BNC2: variants seen among roughly 807,000 people sequenced by gnomAD.
BNC2 encodes the protein zinc finger protein basonuclin-2.
BNC2 carries 20 observed loss-of-function variants against 76.3 expected under a neutral mutation model. The ratio of observed to expected loss-of-function variants is 0.26; its 90% confidence interval spans 0.18 to 0.38. BNC2 has a LOEUF of 0.38. Ranked by LOEUF, BNC2 falls within the 10% of genes least tolerant of loss-of-function variation. The pLI is 1.00. For synonymous variants in BNC2, 582 were observed against 514.8 expected (o/e 1.13, Z -1.77); for missense variants, 1,382 against 1,399.8 (o/e 0.99, Z 0.20).
intron 4 of BNC2, among the ~76,000 whole-genome samples, chr9:16,576,392 C>T (rs914468170): frequency 6.6e-6 from 1 of 151,984 alleles, no homozygotes; most frequent in African/African-American, 2.4e-5. Context: ...AATTTCTATG[C>T]GGAGTGGGAA....
At position 16,791,322 on chromosome 9, in the gene BNC2, A is replaced by G. The variant is rs1405994827; in HGVS notation, c.4-52837T>C. ...GTGATCCGCCTGCCTCGGCCTCCCA[A>G]AGTGCTAGGATTACAGGCATGAGCC... On this transcript the variant is annotated intron_variant, in intron 1 of 6. Coordinates refer to ENST00000380672, the MANE Select transcript of BNC2 (RefSeq NM_017637.6). Among the ~76,000 whole-genome samples the G allele has an allele frequency of 2.6e-5, 4 of 152,090 alleles. 1 individual carries two copies. Among genetic ancestry groups the G allele is most frequent in the Non-Finnish European group, 5.9e-5 (4 of 68,020 alleles).
intron 1 of BNC2, among the ~76,000 whole-genome samples, chr9:16,814,038 T>C (rs905223578): frequency 6.6e-6 from 1 of 152,150 alleles, no homozygotes; most frequent in Non-Finnish European, 1.5e-5. Context: ...TTATGCAATA[T>C]ATGCTAGAAG....
chr9:16,546,056 AT>A (rs1449663929), intron 5 of BNC2, among the ~76,000 whole-genome samples: 2 of 152,138 alleles, frequency 1.3e-5, no homozygotes, highest in Non-Finnish European at 2.9e-5. Flanking sequence ...TGCATTCCCT[AT>A]TTTTTTAAAC....
chr9:16,664,140 A>T (rs1822195214), intron 3 of BNC2, among the ~76,000 whole-genome samples: 1 of 152,184 alleles, frequency 6.6e-6, no homozygotes, highest in African/African-American at 2.4e-5. Flanking sequence ...CGACAAAAAA[A>T]TGACACTCTG....
At chr9:16,693,382 T>C (rs1823240653) in intron 3 of BNC2, among the ~76,000 whole-genome samples, 1 of 152,128 alleles carries the variant, frequency 6.6e-6, no homozygotes, top group South Asian at 2.1e-4. Flanking sequence ...AGACCAATAG[T>C]CTCGGTCAGT....
chr9:16,823,771 C>T (rs1396256505), intron 1 of BNC2, among the ~76,000 whole-genome samples: 1 of 152,072 alleles, frequency 6.6e-6, no homozygotes, highest in Non-Finnish European at 1.5e-5. Context: ...GAAAGCAGAA[C>T]TATGAAAGAA....
intron 4 of BNC2, among the ~76,000 whole-genome samples, chr9:16,577,241 C>A (rs1382938563): frequency 1.3e-5 from 2 of 151,510 alleles, no homozygotes; most frequent in South Asian, 2.1e-4. Context: ...ATCAAAAATT[C>A]TATATTTTCT....
chr9:16,522,019 G>A (rs1817635771), intron 5 of BNC2, among the ~76,000 whole-genome samples: 1 of 152,170 alleles, frequency 6.6e-6, no homozygotes, highest in Admixed American at 6.5e-5. Flanking sequence ...GACAAAAAGT[G>A]ACTAGTAATG....
At chr9:16,513,348 C>T (rs1822803756) in intron 5 of BNC2, among the ~76,000 whole-genome samples, 7 of 140,638 alleles carry the variant, frequency 5.0e-5, no homozygotes, top group Middle Eastern at 4.0e-3. Flanking sequence ...GCTCTGTTGC[C>T]CAGGCTGGAG....
chr9:16,494,112 C>A (rs977193433), intron 5 of BNC2, among the ~76,000 whole-genome samples: 1 of 152,132 alleles, frequency 6.6e-6, no homozygotes, highest in South Asian at 2.1e-4. Flanking sequence ...GGAAGAGAAA[C>A]AGACACACTA....
At chr9:16,739,564 TG>T (rs1247527511) in intron 1 of BNC2, among the ~76,000 whole-genome samples, 4 of 151,964 alleles carry the variant, frequency 2.6e-5, no homozygotes, top group Non-Finnish European at 5.9e-5. Context: ...CCCAGCTACT[TG>T]GGAAGCTGAG....
At chr9:16,722,327 C>G (rs1824181220) in intron 3 of BNC2, among the ~76,000 whole-genome samples, 1 of 152,212 alleles carries the variant, frequency 6.6e-6, no homozygotes, top group African/African-American at 2.4e-5. Flanking sequence ...TGCCGTGGCT[C>G]TTAACCCTGA....
intron 3 of BNC2, among the ~76,000 whole-genome samples, chr9:16,694,231 T>C (rs1163098015): frequency 6.6e-6 from 1 of 152,074 alleles, no homozygotes; most frequent in Admixed American, 6.5e-5. Flanking sequence ...AAAAGCAGAA[T>C]AGTGAATTTG....
At position 16,616,027 on chromosome 9, in the gene BNC2, A is replaced by G. The variant is rs113103557; in HGVS notation, c.331-32942T>C. On this transcript the variant is annotated intron_variant, in intron 3 of 6. Coordinates refer to ENST00000380672, the MANE Select transcript of BNC2 (RefSeq NM_017637.6). ...ATTTGTTCAATTCCATTACATCAAG[A>G]TAACTCCAATTAAGCTGAGAAATCA... 4.6e-5 allele frequency among the ~76,000 whole-genome samples: 7 copies of G among 152,304 alleles called. 1 individual carries two copies. Among genetic ancestry groups the G allele is most frequent in the African/African-American group, 1.7e-4 (7 of 41,570 alleles).
At chr9:16,453,443 T>C (rs1450703532) in intron 5 of BNC2, among the ~76,000 whole-genome samples, 1 of 152,208 alleles carries the variant, frequency 6.6e-6, no homozygotes, top group Non-Finnish European at 1.5e-5. Context: ...AATCCAGGCC[T>C]GAAGAGTTAA....
intron 5 of BNC2, among the ~76,000 whole-genome samples, chr9:16,488,581 A>G (rs929481166): frequency 1.3e-5 from 2 of 152,232 alleles, no homozygotes; most frequent in Non-Finnish European, 2.9e-5. Context: ...TTCATGCACT[A>G]AAATATCTAA....
chr9:16,803,415 C>T (rs1817830195), intron 1 of BNC2, among the ~76,000 whole-genome samples: 1 of 152,164 alleles, frequency 6.6e-6, no homozygotes, highest in African/African-American at 2.4e-5. Context: ...CGAAGGGAGG[C>T]AAGGGCTGGA....
intron 3 of BNC2, among the ~76,000 whole-genome samples, chr9:16,614,190 CGTAG>C: frequency 6.6e-6 from 1 of 152,188 alleles, no homozygotes. Flanking sequence ...AAGCAACAGA[CGTAG>C]GGGTACACCC....
chr9:16,733,834 A>C (rs1824581837), intron 2 of BNC2, among the ~76,000 whole-genome samples: 1 of 151,806 alleles, frequency 6.6e-6, no homozygotes, highest in South Asian at 2.1e-4. Flanking sequence ...CAGTGAGCCG[A>C]GATCACGCCA....
Sources: gnomAD v4.1 joint callset for allele counts (sites outside exome capture counted in the v4.1 genomes callset) on GRCh38, gnomAD v4.1.1 for gene constraint, MANE v1.5 for transcripts, NCBI Gene and HGNC (gene_info 2026-07-23, HGNC 2026-07-21) for gene names.